The following VPS41 variants were observed in gnomAD, a reference collection of about 807,000 sequenced individuals.
The protein encoded by VPS41 is vacuolar protein sorting-associated protein 41 homolog.
VPS41 carries 85 observed loss-of-function variants against 130.9 expected under a neutral mutation model. The ratio of observed to expected loss-of-function variants is 0.65; its 90% CI spans 0.55 to 0.78. VPS41 has a LOEUF of 0.78. Ranked by LOEUF, VPS41 falls within the 30% of genes least tolerant of loss-of-function variation. The pLI is 0.00. For missense variants in VPS41, 874 were observed against 1,018.7 expected (o/e 0.86, Z 1.93); for synonymous variants, 335 against 332.9 (o/e 1.01, Z -0.07).
rs775943871 is a variant in VPS41 at position 38,817,807 on chromosome 7, C to T, written c.450+10G>A. 1 of 1,611,224 alleles carries T rather than the reference C, an allele frequency of 6.2e-7. No individual in the cohort carries two copies. The highest frequency in any genetic ancestry group is 8.5e-7 in the Non-Finnish European group (1 of 1,177,352). On this transcript the variant is annotated intron_variant, in intron 7 of 28. Coordinates refer to ENST00000310301, the MANE Select transcript of VPS41 (RefSeq NM_014396.4). ...GGCTACATATCAAGGTAGAGACACA[C>T]AGCACTTACCTTCTTCCCTCCGGTC...
chr7:38,899,290 T>C (rs1787090054), intron 1 of VPS41, among the ~76,000 whole-genome samples: 1 of 152,240 alleles, frequency 6.6e-6, no homozygotes, highest in Non-Finnish European at 1.5e-5. Context: ...TGTAACTCAA[T>C]GCAGCCTGTT....
At chr7:38,908,675 G>A (rs367653746) in intron 1 of VPS41, among the ~76,000 whole-genome samples, 1 of 152,352 alleles carries the variant, frequency 6.6e-6, no homozygotes, top group African/African-American at 2.4e-5. Context: ...CAGAACGGAT[G>A]CATTTAATCC....
rs572192150 is a variant in VPS41, at chr7:38,781,187, C to T, written c.785-4411G>A. ...GAGGTGAAATTTTAATAATACATAA[C>T]ATACCTAAAATATTATTTCAACATG... On this transcript the variant is annotated intron_variant, in intron 10 of 28. Transcript: ENST00000310301. Among the ~76,000 whole-genome samples the T allele has an allele frequency of 7.2e-5, 11 of 152,276 alleles. No individual in the cohort carries two copies. The South Asian group carries it at 2.1e-3, about 29-fold the overall frequency.
intron 25 of VPS41, among the ~76,000 whole-genome samples, chr7:38,729,794 T>G (rs1378137671): frequency 6.6e-6 from 1 of 152,174 alleles, no homozygotes; most frequent in African/African-American, 2.4e-5. Context: ...CAGGCGACAC[T>G]TTACCTTTCA....
intron 4 of VPS41, among the ~76,000 whole-genome samples, chr7:38,845,866 A>G (rs755671070): frequency 1.3e-5 from 2 of 152,270 alleles, no homozygotes; most frequent in Non-Finnish European, 2.9e-5. Context: ...CTTTCCGTAT[A>G]TAAGTAATCT....
chr7:38,783,190 A>G, intron 10 of VPS41, among the ~76,000 whole-genome samples: 1 of 152,184 alleles, frequency 6.6e-6, no homozygotes, highest in East Asian at 1.9e-4. Context: ...AGATGCATCA[A>G]GATGACTAAG....
intron 2 of VPS41, among the ~76,000 whole-genome samples, chr7:38,893,096 G>C (rs188542936): frequency 1.6e-3 from 249 of 152,136 alleles, no homozygotes; most frequent in African/African-American, 5.8e-3. Flanking sequence ...AAACTTTTGG[G>C]TGGCTCCCCG....
At chr7:38,734,645 T>C (rs1443829521) in intron 25 of VPS41, among the ~76,000 whole-genome samples, 1 of 152,198 alleles carries the variant, frequency 6.6e-6, no homozygotes, top group Non-Finnish European at 1.5e-5. Flanking sequence ...ATAAAAGAAC[T>C]GTATATCAGC....
chr7:38,783,268 G>A (rs1223327520), intron 10 of VPS41, among the ~76,000 whole-genome samples: 2 of 152,110 alleles, frequency 1.3e-5, no homozygotes, highest in Non-Finnish European at 2.9e-5. Flanking sequence ...CAGGTGTGGT[G>A]GCTCACGCTT....
At chr7:38,867,571 G>A (rs918794270) in intron 3 of VPS41, among the ~76,000 whole-genome samples, 1 of 151,550 alleles carries the variant, frequency 6.6e-6, no homozygotes, top group African/African-American at 2.4e-5. Flanking sequence ...ATAAATAAAA[G>A]AAAGAAAGAA....
intron 2 of VPS41, among the ~76,000 whole-genome samples, chr7:38,889,906 A>G (rs1194791089): frequency 2.0e-5 from 3 of 152,320 alleles, no homozygotes; most frequent in South Asian, 4.1e-4. Context: ...TATTTAAACA[A>G]TTGCACTTAA....
At chr7:38,775,958 ATGC>A (rs1173642671) in intron 11 of VPS41, among the ~76,000 whole-genome samples, 1 of 152,118 alleles carries the variant, frequency 6.6e-6, no homozygotes, top group Admixed American at 6.5e-5. Flanking sequence ...TTCCTTCTTT[ATGC>A]CTTGAAGCCA....
intron 18 of VPS41, among the ~76,000 whole-genome samples, chr7:38,757,512 C>G (rs1032566586): frequency 2.6e-5 from 4 of 152,176 alleles, no homozygotes; most frequent in African/African-American, 9.7e-5. Flanking sequence ...TGGTCCATTA[C>G]GAACGTGCTG....
chr7:38,890,547 G>A (rs1786837648), intron 2 of VPS41, among the ~76,000 whole-genome samples: 1 of 152,224 alleles, frequency 6.6e-6, no homozygotes, highest in South Asian at 2.1e-4. Flanking sequence ...ATGAATGCAT[G>A]TAATACGGGT....
At chr7:38,803,094 C>T (rs1169319436) in intron 7 of VPS41, among the ~76,000 whole-genome samples, 1 of 152,144 alleles carries the variant, frequency 6.6e-6, no homozygotes, top group East Asian at 1.9e-4. Context: ...CTTTATTCTC[C>T]TCTGTTTTGT....
In VPS41 at chr7:38,742,073, A is replaced by G. The variant is rs761778337; in HGVS notation, c.2171T>C (p.Ile724Thr). The change falls in exon 25 of 29, where the codon ATT (isoleucine) becomes ACT (threonine). Residue 724 changes from isoleucine (I) to threonine (T), a missense_variant. Ile to Thr is a moderately conservative substitution (Grantham distance 89). Transcript: ENST00000310301. ...TTCCTTAATACGGTGAATCAGTAGA[A>G]TTGGGTCAACATGTGTGCCAATGTT... ...LNNIGTHVDP[I>T]LLIHRIKEGM... 15 of 1,613,252 alleles carry G rather than the reference A, an allele frequency of 9.3e-6. No individual in the cohort carries two copies. The highest frequency in any genetic ancestry group is 1.1e-5 in the Non-Finnish European group (13 of 1,179,604).
At chr7:38,830,377 A>G in intron 4 of VPS41, 49 bp from the exon 5 acceptor site, 1 of 1,066,456 alleles carries the variant, frequency 9.4e-7, no homozygotes, top group East Asian at 2.4e-5. Flanking sequence ...GAAAATATAT[A>G]TCAACAATCA....
At chr7:38,885,646 A>G (rs545631984) in intron 2 of VPS41, among the ~76,000 whole-genome samples, 3 of 152,364 alleles carry the variant, frequency 2.0e-5, no homozygotes, top group Admixed American at 6.5e-5. Context: ...AGGACTCAGC[A>G]TAACATGAGG....
At chr7:38,906,271 T>A (rs1346139811) in intron 1 of VPS41, among the ~76,000 whole-genome samples, 2 of 151,434 alleles carry the variant, frequency 1.3e-5, no homozygotes, top group Non-Finnish European at 2.9e-5. Context: ...TACTTTCTTT[T>A]AAAAAAAAGA....
Sources: allele counts gnomAD v4.1 joint callset (sites outside exome capture counted in the v4.1 genomes callset), GRCh38; gene constraint gnomAD v4.1.1; transcripts MANE v1.5; gene names NCBI Gene and HGNC (gene_info 2026-07-23, HGNC 2026-07-21).